CADM2: variants seen among roughly 807,000 people sequenced by gnomAD.
CADM2 encodes immunoglobulin superfamily member 4D.
Under a neutral mutation model 49.8 loss-of-function variants are expected in CADM2, and 12 were observed. That is an observed-to-expected ratio of 0.24 (90% confidence interval 0.15 to 0.39). CADM2 has a LOEUF of 0.39. CADM2 is among the 10% of genes least tolerant of loss of function. CADM2 has a pLI of 1.00. For synonymous variants in CADM2, 214 were observed against 175.4 expected, an observed-to-expected ratio of 1.22 and a Z score of -1.74; for missense variants, 378 against 492.3, an observed-to-expected ratio of 0.77 and a Z score of 2.20.
intron 1 of CADM2, among the ~76,000 whole-genome samples, chr3:85,319,013 G>C (rs72903204): frequency 0.073 from 11,100 of 152,144 alleles, 742 homozygotes; most frequent in African/African-American, 0.18. Context: ...AGACAGAGAA[G>C]TTTAAAGGAG....
intron 3 of CADM2, among the ~76,000 whole-genome samples, chr3:85,834,808 A>C (rs1278736804): frequency 1.3e-5 from 2 of 151,466 alleles, no homozygotes; most frequent in Middle Eastern, 3.2e-3. Context: ...AGATTGTTAT[A>C]TATCACAAAT....
chr3:85,943,397 T>G (rs1351017311), intron 7 of CADM2, among the ~76,000 whole-genome samples: 1 of 145,964 alleles, frequency 6.9e-6, no homozygotes, highest in Non-Finnish European at 1.5e-5. Context: ...GTTTTAGACA[T>G]GAAGTCCTTG....
chr3:85,245,585 C>T (rs2042629596), intron 1 of CADM2, among the ~76,000 whole-genome samples: 1 of 151,832 alleles, frequency 6.6e-6, no homozygotes, highest in South Asian at 2.1e-4. Context: ...TCCCAGTCCA[C>T]CACCCTTACA....
chr3:86,049,437 G>A (rs946727919), intron 8 of CADM2, among the ~76,000 whole-genome samples: 8 of 151,722 alleles, frequency 5.3e-5, no homozygotes. Context: ...ACCACGCCCG[G>A]CTAATTTTTT....
intron 1 of CADM2, among the ~76,000 whole-genome samples, chr3:85,496,525 T>G (rs1010215776): frequency 5.3e-5 from 8 of 152,190 alleles, no homozygotes; most frequent in African/African-American, 9.6e-5. Context: ...GTCTTTTTAG[T>G]AGAATGATCT....
intron 3 of CADM2, among the ~76,000 whole-genome samples, chr3:85,863,283 T>C (rs1037354790): frequency 6.6e-6 from 1 of 152,166 alleles, no homozygotes; most frequent in East Asian, 1.9e-4. Flanking sequence ...ATGGTTGGAA[T>C]GTCCCCTCCA....
intron 1 of CADM2, among the ~76,000 whole-genome samples, chr3:85,038,452 G>T (rs996631998): frequency 1.3e-5 from 2 of 152,218 alleles, no homozygotes; most frequent in Non-Finnish European, 2.9e-5. Context: ...CAAGGGATAA[G>T]TGGATAGCAC....
At chr3:85,841,541 G>A (rs1467824146) in intron 3 of CADM2, among the ~76,000 whole-genome samples, 1 of 151,916 alleles carries the variant, frequency 6.6e-6, no homozygotes, top group East Asian at 1.9e-4. Context: ...TTTTCAGCTT[G>A]TCCTGAAGTA....
At chr3:85,000,201 C>T (rs1576004927) in intron 1 of CADM2, among the ~76,000 whole-genome samples, 2 of 151,022 alleles carry the variant, frequency 1.3e-5, no homozygotes, top group East Asian at 2.0e-4. Context: ...GTAACCTTGA[C>T]TTAGTTGGCT....
Position 85,034,790 on chromosome 3 carries a change from C to CTTTTTTTTTTTTTTTTTTTTTTTTT in CADM2, c.61+75146_61+75147insTTTTTTTTTTTTTTTTTTTTTTTTT, listed in dbSNP as rs1179967499. On this transcript the variant is annotated intron_variant, in intron 1 of 9. Transcript: ENST00000383699. ...TATCTTTTAGATAAAAGACATTTTG[C>CTTTTTTTTTTTTTTTTTTTTTTTTT]TTTTTTTTTTTTTTTTTTTTTTTTA... Among the ~76,000 whole-genome samples, 60 of 84,060 alleles carry CTTTTTTTTTTTTTTTTTTTTTTTTT rather than the reference C, an allele frequency of 7.1e-4. 4 individuals carry two copies. The highest frequency in any genetic ancestry group is 1.8e-3 in the African/African-American group (33 of 18,502). The allele number at this position is 84,060 out of a possible 152,430, so 55.1% of individuals were successfully genotyped here.
At chr3:85,116,559 T>A (rs1019843990) in intron 1 of CADM2, among the ~76,000 whole-genome samples, 1 of 152,196 alleles carries the variant, frequency 6.6e-6, no homozygotes, top group Non-Finnish European at 1.5e-5. Context: ...CACGTTTGAT[T>A]ATATCAAACT....
intron 7 of CADM2, among the ~76,000 whole-genome samples, chr3:85,945,950 A>C (rs1425538664): frequency 9.2e-5 from 14 of 152,102 alleles, no homozygotes; most frequent in Admixed American, 2.0e-4. Context: ...AGGAGAAAGA[A>C]ATAAAGGGTA....
rs146553198 is a variant in CADM2 at position 85,614,882 on chromosome 3, C to G, written c.62-111640C>G. 3.6e-3 allele frequency among the ~76,000 whole-genome samples: 552 copies of G among 151,986 alleles called. 7 individuals are homozygous for G. Among genetic ancestry groups the G allele is most frequent in the African/African-American group, 0.011 (461 of 41,510 alleles). On this transcript the variant is annotated intron_variant, in intron 1 of 9. Coordinates refer to ENST00000383699, the MANE Select transcript of CADM2 (RefSeq NM_001167675.2). Reference sequence around the variant, plus strand: ...ATATTCAGACAGTGCATAACAGGCCCTTTTATTTCTAGGTGAACTTAGTGT... The same window carrying G: ...ATATTCAGACAGTGCATAACAGGCCGTTTTATTTCTAGGTGAACTTAGTGT...
At chr3:85,670,762 G>A (rs539473684) in intron 1 of CADM2, among the ~76,000 whole-genome samples, 2 of 152,276 alleles carry the variant, frequency 1.3e-5, no homozygotes, top group East Asian at 3.9e-4. Context: ...AGATGAGGAA[G>A]TAATTTAGCA....
At chr3:85,725,629 C>T (rs1434292579) in intron 1 of CADM2, among the ~76,000 whole-genome samples, 1 of 151,928 alleles carries the variant, frequency 6.6e-6, no homozygotes, top group Non-Finnish European at 1.5e-5. Flanking sequence ...AAGGGACTGT[C>T]CTGTAGGACT....
At chr3:85,923,484 C>T (rs1157982254) in intron 6 of CADM2, among the ~76,000 whole-genome samples, 1 of 149,454 alleles carries the variant, frequency 6.7e-6, no homozygotes, top group Non-Finnish European at 1.5e-5. Context: ...CCTTCTTTTG[C>T]CATTATAGGC....
intron 1 of CADM2, among the ~76,000 whole-genome samples, chr3:85,312,007 G>C (rs2044357245): frequency 6.6e-6 from 1 of 152,140 alleles, no homozygotes; most frequent in Admixed American, 6.5e-5. Context: ...GCCAGAGGAT[G>C]CTAAGAAATT....
chr3:85,395,256 C>G (rs554899876), intron 1 of CADM2, among the ~76,000 whole-genome samples: 6 of 136,330 alleles, frequency 4.4e-5, no homozygotes, highest in Non-Finnish European at 9.1e-5. Context: ...TGTGATCATG[C>G]CACTGCACTT....
chr3:85,391,290 A>C (rs2034506322), intron 1 of CADM2, among the ~76,000 whole-genome samples: 1 of 152,112 alleles, frequency 6.6e-6, no homozygotes, highest in South Asian at 2.1e-4. Flanking sequence ...GAAAAAAGGA[A>C]GCACAGAAGT....
Sources: allele counts gnomAD v4.1 joint callset (sites outside exome capture counted in the v4.1 genomes callset), GRCh38; gene constraint gnomAD v4.1.1; transcripts MANE v1.5; gene names NCBI Gene and HGNC (gene_info 2026-07-23, HGNC 2026-07-21).